Variants in TMEM135 observed in about 807,000 individuals in gnomAD.
TMEM135 encodes transmembrane protein 135, also known as peroxisomal membrane protein 52.
In TMEM135, 30 loss-of-function variants were observed where a neutral mutation model predicts 60.3. The observed-to-expected ratio is 0.50, with a 90% CI of 0.37 to 0.68. The LOEUF (loss-of-function observed/expected upper bound fraction) is 0.68. Ranked by LOEUF, TMEM135 falls within the 30% of genes least tolerant of loss-of-function variation. The pLI, the probability that TMEM135 is intolerant of heterozygous loss-of-function variation, is 0.00. For missense variants in TMEM135, 468 were observed against 548.8 expected (o/e 0.85, Z 1.47); for synonymous variants, 190 against 186.7 (o/e 1.02, Z -0.14).
chr11:87,222,028 A>C (rs1386378001), intron 5 of TMEM135, among the ~76,000 whole-genome samples: 2 of 151,660 alleles, frequency 1.3e-5, no homozygotes, highest in Non-Finnish European at 2.9e-5. Context: ...CTAAAAATAC[A>C]AAAAAATTAG....
At chr11:87,045,099 G>A (rs1949783908) in intron 1 of TMEM135, among the ~76,000 whole-genome samples, 1 of 151,930 alleles carries the variant, frequency 6.6e-6, no homozygotes. Context: ...GCGCGATCTA[G>A]GCTTACTGCA....
intron 5 of TMEM135, among the ~76,000 whole-genome samples, chr11:87,229,633 G>A (rs1477585098): frequency 6.6e-6 from 1 of 152,174 alleles, no homozygotes; most frequent in Non-Finnish European, 1.5e-5. Flanking sequence ...TGTTTACAAA[G>A]TATGCTTTGG....
intron 4 of TMEM135, among the ~76,000 whole-genome samples, chr11:87,138,609 G>T (rs1042588515): frequency 6.6e-6 from 1 of 152,176 alleles, no homozygotes; most frequent in Non-Finnish European, 1.5e-5. Context: ...TTTATCAGGT[G>T]TAAGTGGCAG....
chr11:87,166,395 A>G (rs1409153059), intron 5 of TMEM135, among the ~76,000 whole-genome samples: 1 of 151,652 alleles, frequency 6.6e-6, no homozygotes, highest in African/African-American at 2.4e-5. Flanking sequence ...TATGTCCTGA[A>G]TGGTATTGCT....
intron 1 of TMEM135, among the ~76,000 whole-genome samples, chr11:87,062,093 C>G (rs917062732): frequency 6.6e-6 from 1 of 152,174 alleles, no homozygotes; most frequent in Non-Finnish European, 1.5e-5. Flanking sequence ...GCAGCCTCCA[C>G]CTTCTGGGTT....
chr11:87,259,092 G>A (rs614504), intron 6 of TMEM135: 91,493 of 1,043,914 alleles, frequency 0.088, 4,356 homozygotes, highest in South Asian at 0.11. Context: ...GGTTCTGGCC[G>A]CAGACCGGAC....
At chr11:87,198,934 G>A (rs1565483447) in intron 5 of TMEM135, among the ~76,000 whole-genome samples, 1 of 152,152 alleles carries the variant, frequency 6.6e-6, no homozygotes, top group African/African-American at 2.4e-5. Flanking sequence ...CTGCTCTCAA[G>A]AGGCTTATAT....
intron 4 of TMEM135, among the ~76,000 whole-genome samples, chr11:87,108,056 T>A (rs1857643724): frequency 2.0e-5 from 3 of 152,242 alleles, no homozygotes; most frequent in Non-Finnish European, 2.9e-5. Context: ...TGCAAAAATG[T>A]CTTCTTTTGA....
Position 87,318,230 on chromosome 11 carries a change from C to T in TMEM135, c.1171C>T (p.Gln391Ter). ...IYSISTAICF[Q>*]AAVMEVQTLR... is the part of the protein sequence containing the mutation. ...TTCCATCTCTACAGCAATTTGCTTC[C>T]AGGCAGTAAGTATAACTTTTTGAAA... Residue 391 changes from glutamine (Q) to a stop codon, truncating the protein, a stop_gained, in exon 13 of 15, where the codon CAG (glutamine) becomes TAG (stop). Transcript: ENST00000305494. LOFTEE classifies it high-confidence loss of function. The T allele has an allele frequency of 1.2e-6, 2 of 1,608,348 alleles. No individual in the cohort carries two copies. The highest frequency in any genetic ancestry group is 1.7e-6 in the Non-Finnish European group (2 of 1,176,602).
At chr11:87,174,039 C>G (rs605313) in intron 5 of TMEM135, among the ~76,000 whole-genome samples, 36,495 of 152,006 alleles carry the variant, frequency 0.24, 5,180 homozygotes, top group East Asian at 0.61. Context: ...CTGACTTGTA[C>G]AAACAAACAT....
chr11:87,083,733 T>A (rs1487082862), intron 3 of TMEM135, among the ~76,000 whole-genome samples: 1 of 152,172 alleles, frequency 6.6e-6, no homozygotes, highest in Non-Finnish European at 1.5e-5. Context: ...TAGAACATGA[T>A]CATAGACTCT....
intron 4 of TMEM135, among the ~76,000 whole-genome samples, chr11:87,139,008 T>C (rs1004744210): frequency 6.6e-6 from 1 of 152,212 alleles, no homozygotes; most frequent in Non-Finnish European, 1.5e-5. Flanking sequence ...TCCTGGATTA[T>C]TCATCTCTAG....
At chr11:87,197,637 G>A (rs71465681) in intron 5 of TMEM135, among the ~76,000 whole-genome samples, 1 of 147,172 alleles carries the variant, frequency 6.8e-6, no homozygotes, top group African/African-American at 2.5e-5. Flanking sequence ...GGCCAGTGTG[G>A]TTTTATGTGT....
At chr11:87,096,377 C>T (rs1257469578) in intron 4 of TMEM135, 2 of 142,366 alleles carry the variant, frequency 1.4e-5, no homozygotes, top group African/African-American at 5.2e-5. Flanking sequence ...CCAGTTATAC[C>T]TTCCTTCGAC....
At position 87,217,513 on chromosome 11, in the gene TMEM135, C is replaced by T. The variant is rs548291608; in HGVS notation, c.463-19125C>T. On this transcript the variant is annotated intron_variant, in intron 5 of 14. Coordinates refer to ENST00000305494, the MANE Select transcript of TMEM135 (RefSeq NM_022918.4). ...CTAAAAAGGGATTTGGGGCCGGGTG[C>T]GGTGGCTCCTGCCTGTAATCTCAGC... 2.5e-4 allele frequency among the ~76,000 whole-genome samples: 38 copies of T among 152,210 alleles called. No homozygotes were observed. The South Asian group carries it at 5.8e-3, about 23-fold the overall frequency.
At chr11:87,184,285 A>T (rs989153016) in intron 5 of TMEM135, among the ~76,000 whole-genome samples, 3 of 152,190 alleles carry the variant, frequency 2.0e-5, no homozygotes, top group Non-Finnish European at 4.4e-5. Context: ...TAGCCTTTCT[A>T]TTTAATATTA....
At position 87,327,620 on chromosome 11, in the gene TMEM135, A is replaced by G; in HGVS notation, c.*6287A>G. The stretch of plus-strand genomic sequence containing the variant: ...GGCTCATGTGATTGTGGAGGCTGAG[A>G]AACCCCACCACAGGCCATTCATAAC... On this transcript the variant is annotated 3_prime_UTR_variant, in exon 15 of 15. Coordinates refer to ENST00000305494, the MANE Select transcript of TMEM135 (RefSeq NM_022918.4). 2.2e-6 allele frequency: 1 copy of G among 453,410 alleles called. No individual in the cohort carries two copies. Among genetic ancestry groups the G allele is most frequent in the South Asian group, 1.6e-5 (1 of 64,436 alleles). The allele number at this position is 453,410 out of a possible 1,614,324, so 28.1% of individuals were successfully genotyped here.
At chr11:87,280,545 T>A (rs1001907858) in intron 6 of TMEM135, among the ~76,000 whole-genome samples, 2 of 152,192 alleles carry the variant, frequency 1.3e-5, no homozygotes, top group African/African-American at 2.4e-5. Flanking sequence ...CCTCTACTTC[T>A]TTTTTATAGC....
intron 5 of TMEM135, among the ~76,000 whole-genome samples, chr11:87,220,851 T>G (rs1013360838): frequency 6.6e-6 from 1 of 152,212 alleles, no homozygotes; most frequent in Non-Finnish European, 1.5e-5. Context: ...TATGTCTATA[T>G]GTTTAATAAC....
Sources: gnomAD v4.1 joint callset for allele counts (sites outside exome capture counted in the v4.1 genomes callset) on GRCh38, gnomAD v4.1.1 for gene constraint, MANE v1.5 for transcripts, NCBI Gene and HGNC (gene_info 2026-07-23, HGNC 2026-07-21) for gene names.